Variants in TMA16 observed in about 807,000 individuals in gnomAD.
TMA16 encodes translation machinery-associated protein 16.
A neutral mutation model predicts 27.1 loss-of-function variants in TMA16; 26 were observed. That is an observed-to-expected ratio of 0.96 (90% CI 0.70 to 1.33). The LOEUF is 1.33. TMA16 is among the 40% of genes most tolerant of loss of function. TMA16 has a pLI of 0.00. For synonymous variants in TMA16, 71 were observed against 81.9 expected, an observed-to-expected ratio of 0.87 and a Z score of 0.72; for missense variants, 233 against 241.4, an observed-to-expected ratio of 0.97 and a Z score of 0.23.
intron 2 of TMA16, among the ~76,000 whole-genome samples, chr4:163,512,215 G>A (rs1737809999): frequency 6.6e-6 from 1 of 151,812 alleles, no homozygotes; most frequent in African/African-American, 2.4e-5. Context: ...AATTTTTTTT[G>A]TTCATGGCTG....
At position 163,514,062 on chromosome 4, in the gene TMA16, T is replaced by TG; in HGVS notation, c.155-11dup. 6.3e-7 allele frequency: 1 copy of TG among 1,593,480 alleles called. No homozygotes were observed. The highest frequency in any genetic ancestry group is 8.6e-7 in the Non-Finnish European group (1 of 1,168,652). On this transcript the variant is annotated splice_polypyrimidine_tract_variant and intron_variant, in intron 3 of 6. Transcript: ENST00000358572. ...TTGTGGGGTAAACTGTCTTGGTACT[T>TG]GTTGTTTATAGGTGAAAAACTGCAA... is the stretch of plus-strand genomic sequence containing the variant.
intron 3 of TMA16, among the ~76,000 whole-genome samples, chr4:163,513,485 G>T (rs1354304979): frequency 6.6e-6 from 1 of 152,074 alleles, no homozygotes; most frequent in Admixed American, 6.5e-5. Context: ...TGACGGTCAG[G>T]TTTACTCACA....
At chr4:163,504,884 A>C (rs144017572) in intron 1 of TMA16, among the ~76,000 whole-genome samples, 1 of 152,148 alleles carries the variant, frequency 6.6e-6, no homozygotes. Flanking sequence ...GTTGAACTGC[A>C]GGCCTCACTT....
At chr4:163,499,136 C>T (rs1171123033) in intron 1 of TMA16, among the ~76,000 whole-genome samples, 2 of 151,840 alleles carry the variant, frequency 1.3e-5, no homozygotes, top group Non-Finnish European at 2.9e-5. Flanking sequence ...AAAGTTTTTC[C>T]AGCTTTTAAA....
intron 1 of TMA16, among the ~76,000 whole-genome samples, chr4:163,498,760 G>A (rs1476437647): frequency 1.3e-5 from 2 of 152,110 alleles, no homozygotes; most frequent in Non-Finnish European, 2.9e-5. Context: ...CCTCAAACTC[G>A]GGCTGACGCC....
At chr4:163,512,607 T>G in intron 2 of TMA16, 1 of 453,896 alleles carries the variant, frequency 2.2e-6, no homozygotes, top group Non-Finnish European at 4.0e-6. Flanking sequence ...CTTTAGACAT[T>G]GAGGTGCTTA....
At chr4:163,512,487 G>A (rs1321992628) in intron 2 of TMA16, 1 of 180,388 alleles carries the variant, frequency 5.5e-6, no homozygotes, top group Non-Finnish European at 1.1e-5. Context: ...CAGAAGGTTT[G>A]CATTACTCTT....
intron 5 of TMA16, 30 bp downstream of exon 5, chr4:163,515,491 T>C (rs1737863682): frequency 1.3e-6 from 2 of 1,596,896 alleles, no homozygotes; most frequent in East Asian, 4.5e-5. Flanking sequence ...ATTTTCCTTT[T>C]ATATGACATA....
At chr4:163,499,566 T>C (rs1737615225) in intron 1 of TMA16, among the ~76,000 whole-genome samples, 1 of 152,148 alleles carries the variant, frequency 6.6e-6, no homozygotes, top group Non-Finnish European at 1.5e-5. Context: ...GAGGACACAC[T>C]CGAATACCTA....
chr4:163,517,994 C>A (rs1309588104), intron 6 of TMA16, among the ~76,000 whole-genome samples: 3 of 149,754 alleles, frequency 2.0e-5, no homozygotes, highest in Admixed American at 6.6e-5. Context: ...CTTTTTTCAA[C>A]TTTGATTTTA....
chr4:163,517,571 G>C, intron 6 of TMA16, 95 bp downstream of exon 6: 1 of 1,183,154 alleles, frequency 8.5e-7, no homozygotes, highest in Non-Finnish European at 1.2e-6. Flanking sequence ...AGAACTAAAA[G>C]AAAATCGGGT....
intron 2 of TMA16, among the ~76,000 whole-genome samples, chr4:163,508,467 T>A (rs1256156546): frequency 2.6e-5 from 4 of 152,192 alleles, no homozygotes. Flanking sequence ...TTTTTCTCTC[T>A]TAAAATCAAA....
intron 2 of TMA16, among the ~76,000 whole-genome samples, chr4:163,509,682 T>C (rs184899544): frequency 6.6e-6 from 1 of 152,318 alleles, no homozygotes; most frequent in Admixed American, 6.5e-5. Flanking sequence ...AGCATATTCT[T>C]TATCTTCAAC....
chr4:163,517,422 T>C lies in TMA16; in HGVS notation c.389-12T>C. ...ACATTGCCTCATGGAGATAAATTAC[T>C]TTCTTTTCCAGAGATTCCAGACATT... On this transcript the variant is annotated splice_polypyrimidine_tract_variant and intron_variant, in intron 5 of 6. Transcript: ENST00000358572. The C allele has an allele frequency of 6.2e-7, 1 of 1,610,222 alleles. No homozygotes were observed. The highest frequency in any genetic ancestry group is 1.1e-5 in the South Asian group (1 of 90,416).
intron 2 of TMA16, chr4:163,512,288 ATGAG>A (rs1470064925): frequency 6.6e-6 from 1 of 152,220 alleles, no homozygotes; most frequent in Non-Finnish European, 1.5e-5. Context: ...GGTCTCCTGA[ATGAG>A]TAAGTGTTTA....
At chr4:163,497,419 A>G (rs1178474960) in intron 1 of TMA16, among the ~76,000 whole-genome samples, 14 of 152,258 alleles carry the variant, frequency 9.2e-5, no homozygotes, top group Admixed American at 6.5e-5. Flanking sequence ...TAGTAAAGTG[A>G]TATGCATTTA....
rs1212044788 is a variant in TMA16, at chr4:163,515,293, A to G, written c.240-20A>G. 3.1e-6 allele frequency: 5 copies of G among 1,598,962 alleles called. No homozygotes were observed. The highest frequency in any genetic ancestry group is 4.3e-6 in the Non-Finnish European group (5 of 1,173,894). On this transcript the variant is annotated intron_variant, in intron 4 of 6. Transcript: ENST00000358572. ...TACATATACTTTGTATGTAACACAA[A>G]TCATTTTCGTATTTTTCAGGTACTT...
intron 3 of TMA16, among the ~76,000 whole-genome samples, 172 bp downstream of exon 3, chr4:163,513,031 A>G (rs1737820660): frequency 6.6e-6 from 1 of 152,206 alleles, no homozygotes; most frequent in African/African-American, 2.4e-5. Flanking sequence ...AAACAGTGTT[A>G]ATGATTTCTA....
intron 5 of TMA16, 128 bp from the exon 6 acceptor site, chr4:163,517,306 A>T: frequency 1.2e-6 from 1 of 831,640 alleles, no homozygotes; most frequent in Non-Finnish European, 1.9e-6. Flanking sequence ...TTTTCATGTT[A>T]ATTACAGCAA....
Sources: gnomAD v4.1 joint callset for allele counts (sites outside exome capture counted in the v4.1 genomes callset) on GRCh38, gnomAD v4.1.1 for gene constraint, MANE v1.5 for transcripts, NCBI Gene and HGNC (gene_info 2026-07-23, HGNC 2026-07-21) for gene names.